TAFA4: variants seen among roughly 807,000 people sequenced by gnomAD.
TAFA4 encodes the protein chemokine-like protein TAFA-4.
Under a neutral mutation model 21.1 loss-of-function variants are expected in TAFA4, and 20 were observed. The observed-to-expected ratio is 0.95, with a 90% CI of 0.67 to 1.38. The LOEUF (loss-of-function observed/expected upper bound fraction) is 1.38, where lower values mean the gene tolerates loss of function less well. TAFA4 is among the 40% of genes most tolerant of loss of function. The pLI, the probability that TAFA4 is intolerant of heterozygous loss-of-function variation, is 0.00. For missense variants in TAFA4, 211 were observed against 180.9 expected (o/e 1.17, Z -0.95); for synonymous variants, 71 against 67.4 (o/e 1.05, Z -0.26).
chr3:68,885,232 CAG>C lies in TAFA4; in HGVS notation c.-46_-45del. The C allele has an allele frequency of 6.3e-7, 1 of 1,590,864 alleles. No homozygotes were observed. Among genetic ancestry groups the C allele is most frequent in the Non-Finnish European group, 8.6e-7 (1 of 1,164,626 alleles). ...AACACACTTATTCCAGGATATATTT[CAG>C]AGTGACTCCAAATTCCCATCTGTTG... On this transcript the variant is annotated 5_prime_UTR_variant, in exon 2 of 6. It removes the in-frame stop codon of an upstream open reading frame in the 5' UTR. Transcript: ENST00000295569.
At chr3:68,881,631 C>T (rs1335026727) in intron 2 of TAFA4, among the ~76,000 whole-genome samples, 1 of 152,136 alleles carries the variant, frequency 6.6e-6, no homozygotes, top group South Asian at 2.1e-4. Context: ...CAAAACTCAC[C>T]GCATTTGGCA....
At chr3:68,879,135 G>T (rs2089586745) in intron 3 of TAFA4, among the ~76,000 whole-genome samples, 1 of 152,110 alleles carries the variant, frequency 6.6e-6, no homozygotes, top group Non-Finnish European at 1.5e-5. Context: ...TAACCATGAA[G>T]CCCATGGGAC....
chr3:68,812,027 C>A (rs1472478011), intron 3 of TAFA4, among the ~76,000 whole-genome samples: 1 of 152,130 alleles, frequency 6.6e-6, no homozygotes, highest in African/African-American at 2.4e-5. Context: ...ATTCAACATT[C>A]TTAAAGAAAA....
chr3:68,742,324 G>C (rs999468312), intron 4 of TAFA4, among the ~76,000 whole-genome samples: 1 of 152,168 alleles, frequency 6.6e-6, no homozygotes, highest in Non-Finnish European at 1.5e-5. Context: ...AAATAAAAAA[G>C]GTACTTAAAT....
chr3:68,798,321 T>A (rs1053759249), intron 3 of TAFA4, among the ~76,000 whole-genome samples: 9 of 152,190 alleles, frequency 5.9e-5, no homozygotes, highest in Non-Finnish European at 1.0e-4. Flanking sequence ...TCTAAAAATA[T>A]AAGTGTCTTG....
intron 3 of TAFA4, among the ~76,000 whole-genome samples, chr3:68,827,965 GTCCTGAATGGTATT>G (rs1704292262): frequency 6.6e-6 from 1 of 152,164 alleles, no homozygotes; most frequent in African/African-American, 2.4e-5. Context: ...CCATGCCTAT[GTCCTGAATGGTATT>G]TCCTAGGTTT....
intron 3 of TAFA4, among the ~76,000 whole-genome samples, chr3:68,860,324 C>T (rs923360031): frequency 3.3e-5 from 5 of 152,102 alleles, no homozygotes; most frequent in African/African-American, 4.8e-5. Flanking sequence ...TATTGTCACT[C>T]TTTAGGTTTT....
intron 3 of TAFA4, among the ~76,000 whole-genome samples, chr3:68,773,327 G>C (rs980422930): frequency 6.6e-6 from 1 of 152,066 alleles, no homozygotes; most frequent in Non-Finnish European, 1.5e-5. Flanking sequence ...GGTCTGGAAG[G>C]GTCCTCGATG....
rs906113853 is a variant in TAFA4, at chr3:68,788,565, T to C, written c.131-35547A>G. Among the ~76,000 whole-genome samples the C allele has an allele frequency of 5.9e-5, 9 of 152,224 alleles. No individual in the cohort carries two copies. The South Asian group carries it at 1.9e-3, about 32-fold the overall frequency. On this transcript the variant is annotated intron_variant, in intron 3 of 5. Coordinates refer to ENST00000295569, the MANE Select transcript of TAFA4 (RefSeq NM_182522.5). ...GACAAGACCAACATCATTGAGCTTTTCACCTATGTTTTCCTCTAGGAGTTT... is the reference window on the plus strand; with the variant it reads ...GACAAGACCAACATCATTGAGCTTTCCACCTATGTTTTCCTCTAGGAGTTT...
At chr3:68,836,444 TAG>T (rs1282785291) in intron 3 of TAFA4, among the ~76,000 whole-genome samples, 7 of 152,240 alleles carry the variant, frequency 4.6e-5, no homozygotes, top group African/African-American at 1.7e-4. Context: ...AGCCTGTGTG[TAG>T]GAAAGTCTGG....
intron 4 of TAFA4, among the ~76,000 whole-genome samples, chr3:68,748,606 T>C (rs1231579385): frequency 6.6e-6 from 1 of 152,132 alleles, no homozygotes; most frequent in African/African-American, 2.4e-5. Flanking sequence ...TAGCCAGGCA[T>C]GGTGGCACGC....
At chr3:68,855,067 C>G (rs1483482800) in intron 3 of TAFA4, among the ~76,000 whole-genome samples, 1 of 152,058 alleles carries the variant, frequency 6.6e-6, no homozygotes, top group African/African-American at 2.4e-5. Flanking sequence ...TGATAAGTAA[C>G]AAATGACTGT....
At chr3:68,909,014 T>C (rs894044624) in intron 1 of TAFA4, among the ~76,000 whole-genome samples, 1 of 152,186 alleles carries the variant, frequency 6.6e-6, no homozygotes, top group Admixed American at 6.5e-5. Context: ...GAGCTCCTGA[T>C]ATGTAACTAC....
chr3:68,776,064 AG>A (rs1468158355), intron 3 of TAFA4, among the ~76,000 whole-genome samples: 3 of 152,210 alleles, frequency 2.0e-5, no homozygotes, highest in Non-Finnish European at 2.9e-5. Flanking sequence ...AATTTCAAAA[AG>A]TATTCAAAAA....
chr3:68,752,408 G>A (rs577843926), intron 4 of TAFA4, among the ~76,000 whole-genome samples: 2 of 152,270 alleles, frequency 1.3e-5, no homozygotes, highest in South Asian at 2.1e-4. Flanking sequence ...CTATTCCCAG[G>A]GAAGTTGTTC....
At chr3:68,829,421 G>C (rs572621066) in intron 3 of TAFA4, among the ~76,000 whole-genome samples, 1 of 152,126 alleles carries the variant, frequency 6.6e-6, no homozygotes, top group Non-Finnish European at 1.5e-5. Context: ...TTTGTCAAAG[G>C]GCTTTTCTGC....
intron 2 of TAFA4, among the ~76,000 whole-genome samples, chr3:68,881,377 A>C (rs1251793885): frequency 6.6e-6 from 1 of 152,246 alleles, no homozygotes; most frequent in African/African-American, 2.4e-5. Flanking sequence ...ATACAGGTGA[A>C]TATAAAATAA....
At chr3:68,768,670 T>C (rs1702899931) in intron 3 of TAFA4, among the ~76,000 whole-genome samples, 1 of 152,034 alleles carries the variant, frequency 6.6e-6, no homozygotes, top group Admixed American at 6.6e-5. Context: ...GCATGAAGAA[T>C]CAAGATATGA....
intron 1 of TAFA4, among the ~76,000 whole-genome samples, chr3:68,902,526 C>T (rs2089854718): frequency 6.6e-6 from 1 of 152,060 alleles, no homozygotes; most frequent in Non-Finnish European, 1.5e-5. Flanking sequence ...TGCTAGCATG[C>T]CTGAAAAACT....
Sources: gnomAD v4.1 joint callset for allele counts (sites outside exome capture counted in the v4.1 genomes callset) on GRCh38, gnomAD v4.1.1 for gene constraint, MANE v1.5 for transcripts, NCBI Gene and HGNC (gene_info 2026-07-23, HGNC 2026-07-21) for gene names.